Variants in ACTR1A observed in about 807,000 individuals in gnomAD.
ACTR1A encodes the protein actin related protein 1A, also known as alpha-centractin.
ACTR1A carries 10 observed loss-of-function variants against 50.7 expected under a neutral mutation model. The observed-to-expected ratio is 0.20, with a 90% CI of 0.12 to 0.33. The LOEUF is 0.33. ACTR1A is among the 10% of genes least tolerant of loss of function. The pLI is 1.00. For missense variants in ACTR1A, 253 were observed against 491.7 expected (o/e 0.51, Z 4.59); for synonymous variants, 177 against 184.2 (o/e 0.96, Z 0.32).
At chr10:102,500,024 G>A (rs890920826) in intron 1 of ACTR1A, among the ~76,000 whole-genome samples, 1 of 152,276 alleles carries the variant, frequency 6.6e-6, no homozygotes, top group South Asian at 2.1e-4. Flanking sequence ...GAGACTAAAG[G>A]AATATCATCT....
At chr10:102,502,334 AGGCCCCTAGAGCCAAGG>A (rs1258759773) in intron 1 of ACTR1A, among the ~76,000 whole-genome samples, 1 of 152,248 alleles carries the variant, frequency 6.6e-6, no homozygotes, top group Non-Finnish European at 1.5e-5. Context: ...ACAGCGGTTA[AGGCCCCTAGAGCCAAGG>A]GCCCAAGGAC....
rs151041040 is a variant in ACTR1A at position 102,480,811 on chromosome 10, G to A, written c.*52C>T. 133 of 1,442,544 alleles carry A rather than the reference G, an allele frequency of 9.2e-5. 3 individuals carry two copies. The highest frequency in any genetic ancestry group is 6.8e-4 in the East Asian group (30 of 44,034). 89.4% of individuals were successfully genotyped at this position (1,442,544 alleles called of 1,614,324 possible). A position where few individuals can be genotyped will look rare whatever the true frequency, so the allele number is the denominator to read the frequency against. Reference sequence around the variant, plus strand: ...CGCAAACACTCCGACTCAAGAAAGCGAGTTTTAAAGTGGAGTTAACTTCAG... The same window carrying A: ...CGCAAACACTCCGACTCAAGAAAGCAAGTTTTAAAGTGGAGTTAACTTCAG... On this transcript the variant is annotated 3_prime_UTR_variant, in exon 11 of 11. Transcript: ENST00000369905.
At chr10:102,484,048 C>G (rs925499141) in intron 6 of ACTR1A, 112 bp downstream of exon 6, 22 of 1,008,006 alleles carry the variant, frequency 2.2e-5, no homozygotes, top group Admixed American at 6.2e-5. Flanking sequence ...CAAGGCCTCA[C>G]CAGGGACCCC....
In ACTR1A at chr10:102,482,240, T is replaced by A; in HGVS notation, c.751-65A>T. On this transcript the variant is annotated intron_variant, in intron 7 of 10. Coordinates refer to ENST00000369905, the MANE Select transcript of ACTR1A (RefSeq NM_005736.4). The surrounding 1 kb of genome is among the most constrained non-coding windows in gnomAD (Gnocchi z 5.6). ...ACCAAGGTCCCTTTGGGAGTGGGAA[T>A]GGAAGACGCCCCTCTGCACGTCACT... 1.3e-6 allele frequency: 2 copies of A among 1,511,350 alleles called. No homozygotes were observed. The highest frequency in any genetic ancestry group is 1.8e-6 in the Non-Finnish European group (2 of 1,102,360). The allele number at this position is 1,511,350 out of a possible 1,614,324, so 93.6% of individuals were successfully genotyped here. A position where few individuals can be genotyped will look rare whatever the true frequency, so the allele number is the denominator to read the frequency against.
chr10:102,492,947 A>T (rs2062201272), intron 1 of ACTR1A, among the ~76,000 whole-genome samples: 1 of 139,532 alleles, frequency 7.2e-6, no homozygotes, highest in East Asian at 2.2e-4. Flanking sequence ...GGTTGCAGTG[A>T]GCCAAGATCG....
intron 2 of ACTR1A, among the ~76,000 whole-genome samples, chr10:102,490,128 C>T (rs888127613): frequency 5.5e-5 from 8 of 146,502 alleles, no homozygotes; most frequent in Admixed American, 2.8e-4. Flanking sequence ...CCCAGCTACT[C>T]GGGAGGCTGA....
At chr10:102,494,499 G>C (rs1286270253) in intron 1 of ACTR1A, among the ~76,000 whole-genome samples, 1 of 152,160 alleles carries the variant, frequency 6.6e-6, no homozygotes, top group Non-Finnish European at 1.5e-5. Context: ...CATGGTGGTT[G>C]TGTGCCTGTG....
chr10:102,482,792 T>G lies in ACTR1A; in HGVS notation c.750+219A>C. 1 of 520,130 alleles carries G rather than the reference T, an allele frequency of 1.9e-6. No homozygotes were observed. Among genetic ancestry groups the G allele is most frequent in the Non-Finnish European group, 3.4e-6 (1 of 291,134 alleles). 32.2% of individuals were successfully genotyped at this position (520,130 alleles called of 1,614,324 possible). A position where few individuals can be genotyped will look rare whatever the true frequency, so the allele number is the denominator to read the frequency against. On this transcript the variant is annotated intron_variant, in intron 7 of 10. Transcript: ENST00000369905. The surrounding 1 kb of genome is among the most constrained non-coding windows in gnomAD (Gnocchi z 5.6). Reference sequence around the variant, plus strand: ...ACAGCTGCTGAGCTAAAAAAAAAAATTGCAAAAGAATCTCATAATGTTTTA... The same window carrying G: ...ACAGCTGCTGAGCTAAAAAAAAAAAGTGCAAAAGAATCTCATAATGTTTTA...
chr10:102,499,950 T>C (rs1210156928), intron 1 of ACTR1A, among the ~76,000 whole-genome samples: 1 of 152,228 alleles, frequency 6.6e-6, no homozygotes, highest in African/African-American at 2.4e-5. Flanking sequence ...AAAACATTTA[T>C]TGAGCACACA....
intron 9 of ACTR1A, 150 bp downstream of exon 9, chr10:102,481,687 A>C: frequency 1.2e-6 from 1 of 866,544 alleles, no homozygotes; most frequent in Non-Finnish European, 1.8e-6. Context: ...CCTAGACCTC[A>C]GGGTCAGTGT....
At chr10:102,497,791 A>G (rs2062229448) in intron 1 of ACTR1A, among the ~76,000 whole-genome samples, 1 of 151,986 alleles carries the variant, frequency 6.6e-6, no homozygotes, top group Non-Finnish European at 1.5e-5. Context: ...TATTTGTAAA[A>G]CAGAGAGAAA....
chr10:102,495,411 T>C (rs1426826671), intron 1 of ACTR1A, among the ~76,000 whole-genome samples: 3 of 151,828 alleles, frequency 2.0e-5, no homozygotes, highest in East Asian at 2.0e-4. Flanking sequence ...TCACTAAAAG[T>C]ACAAAAAATT....
chr10:102,481,332 G>T lies in ACTR1A; in HGVS notation c.988-160C>A, dbSNP rs77588888. On this transcript the variant is annotated intron_variant, in intron 9 of 10. Transcript: ENST00000369905. ...TGTGGCCAGCCTGCCACTCATCTGG[G>T]GAAGCAGGTTTCCAGTCCCCACAGG... Among the ~76,000 whole-genome samples the T allele has an allele frequency of 9.0e-3, 1,372 of 152,234 alleles. 19 individuals carry two copies. The highest frequency in any genetic ancestry group is 0.031 in the African/African-American group (1,295 of 41,530).
Position 102,488,266 on chromosome 10 carries a change from C to T in ACTR1A, c.199G>A (p.Gly67Arg). The T allele has an allele frequency of 1.9e-6, 3 of 1,613,562 alleles. No homozygotes were observed. Among genetic ancestry groups the T allele is most frequent in the Non-Finnish European group, 2.5e-6 (3 of 1,179,548 alleles). ...FIGPKAEEHR[G>R]LLSIRYPMEH... ...ATGGGATAGCGGATTGAAAGCAGCC[C>T]TCGGTGCTCCTGGGAAAAGAGAACA... The change falls in exon 4 of 11, where the codon GGG becomes AGG. Residue 67 changes from glycine (G) to arginine (R), a missense_variant. Around this residue, in one of 4 missense-constraint regions of ACTR1A, gnomAD observed 96 missense variants for 238.7 expected, o/e 0.40. Coordinates refer to ENST00000369905, the MANE Select transcript of ACTR1A (RefSeq NM_005736.4). This position sits in a 1 kb window ranked among gnomAD's most constrained non-coding sequence, Gnocchi z 4.4.
chr10:102,496,360 C>T (rs188364332), intron 1 of ACTR1A, among the ~76,000 whole-genome samples: 52 of 152,318 alleles, frequency 3.4e-4, no homozygotes, highest in Admixed American at 1.0e-3. Flanking sequence ...TCTCTCTCTT[C>T]TCTTTTGAGT....
chr10:102,491,003 A>G (rs1173608820), intron 1 of ACTR1A, among the ~76,000 whole-genome samples: 2 of 152,102 alleles, frequency 1.3e-5, no homozygotes, highest in African/African-American at 4.8e-5. Context: ...AAAAAAAAAC[A>G]AAACTAATAT....
In ACTR1A at chr10:102,488,024, A is replaced by T; in HGVS notation, c.315+126T>A. The T allele has an allele frequency of 3.7e-6, 4 of 1,068,394 alleles. No homozygotes were observed. The South Asian group carries it at 6.4e-5, about 17-fold the overall frequency. 66.2% of individuals were successfully genotyped at this position (1,068,394 alleles called of 1,614,324 possible). A position where few individuals can be genotyped will look rare whatever the true frequency, so the allele number is the denominator to read the frequency against. On this transcript the variant is annotated intron_variant, in intron 4 of 10. Coordinates refer to ENST00000369905, the MANE Select transcript of ACTR1A (RefSeq NM_005736.4). The surrounding 1 kb of genome is among the most constrained non-coding windows in gnomAD (Gnocchi z 4.4). ...AATGGTGTTAAGATTAAATCTGAATATGCCTGAAAATCAAATGGCTCCAGC... is the reference window on the plus strand; with the variant it reads ...AATGGTGTTAAGATTAAATCTGAATTTGCCTGAAAATCAAATGGCTCCAGC...
chr10:102,486,464 C>T (rs11598128), intron 4 of ACTR1A, among the ~76,000 whole-genome samples: 76,341 of 151,736 alleles, frequency 0.5, 19,566 homozygotes, highest in Middle Eastern at 0.62. Context: ...CTGAGGCGTG[C>T]GGATCATCTG....
In ACTR1A at chr10:102,479,541, C is replaced by A; in HGVS notation, c.*1322G>T. The A allele has an allele frequency of 1.7e-6, 2 of 1,167,302 alleles. No individual in the cohort carries two copies. Among genetic ancestry groups the A allele is most frequent in the Non-Finnish European group, 2.3e-6 (2 of 883,504 alleles). The allele number at this position is 1,167,302 out of a possible 1,614,324, so 72.3% of individuals were successfully genotyped here. A position where few individuals can be genotyped will look rare whatever the true frequency, so the allele number is the denominator to read the frequency against. On this transcript the variant is annotated 3_prime_UTR_variant, in exon 11 of 11. Transcript: ENST00000369905. The surrounding 1 kb of genome is among the most constrained non-coding windows in gnomAD (Gnocchi z 4.0). Reference sequence around the variant, plus strand: ...TGGCCCCAGCTTTGCACCATCTAGGCTGAAGGCCTTTGGACCACTCCTAGG... The same window carrying A: ...TGGCCCCAGCTTTGCACCATCTAGGATGAAGGCCTTTGGACCACTCCTAGG...
Sources: allele counts gnomAD v4.1 joint callset (sites outside exome capture counted in the v4.1 genomes callset), GRCh38; gene constraint gnomAD v4.1.1; regional missense constraint gnomAD v4.1.1; non-coding constraint Gnocchi (gnomAD v3.1); transcripts MANE v1.5; gene names NCBI Gene and HGNC (gene_info 2026-07-23, HGNC 2026-07-21).